Variants in INPP5B observed in about 807,000 individuals in gnomAD.
INPP5B encodes type II inositol 1,4,5-trisphosphate 5-phosphatase.
In INPP5B, 90 loss-of-function variants were observed where a neutral mutation model predicts 118.5. The ratio of observed to expected loss-of-function variants is 0.76; its 90% confidence interval spans 0.64 to 0.90. INPP5B has a LOEUF of 0.90. Ranked by LOEUF, INPP5B falls within the 40% of genes least tolerant of loss-of-function variation. The pLI is 0.00. For synonymous variants in INPP5B, 385 were observed against 418.9 expected (o/e 0.92, Z 0.99); for missense variants, 984 against 1,125.6 (o/e 0.87, Z 1.80).
chr1:37,866,402 T>TCACACACACACACACA (rs770631435), intron 21 of INPP5B, 57 bp downstream of exon 21: 39 of 681,560 alleles, frequency 5.7e-5, no homozygotes, highest in African/African-American at 1.2e-4. Flanking sequence ...TCTCTCTCTC[T>TCACACACACACACACA]CTCTCACACA....
At chr1:37,883,720 C>A in intron 13 of INPP5B, 1 of 985,416 alleles carries the variant, frequency 1.0e-6, no homozygotes, top group Non-Finnish European at 1.2e-6. Context: ...CAAGACACTC[C>A]CTGCTAGGCT....
chr1:37,894,654 C>T (rs1442262482), intron 7 of INPP5B, among the ~76,000 whole-genome samples: 2 of 151,568 alleles, frequency 1.3e-5, no homozygotes, highest in South Asian at 2.1e-4. Context: ...CTCTGCCTCC[C>T]GGGTTCAAGC....
rs536593560 is a variant in INPP5B at position 37,862,057 on chromosome 1, TAAA to T, written c.*255_*257del. On this transcript the variant is annotated 3_prime_UTR_variant, in exon 24 of 24. Coordinates refer to ENST00000373024, the MANE Select transcript of INPP5B (RefSeq NM_005540.3). ...TCTCAAAATAAAAAAAAATAAAAAA[TAAA>T]AAAATCTGTGTTAAATAACTAAAGT... 2.7e-6 allele frequency: 1 copy of T among 376,644 alleles called. No homozygotes were observed. Among genetic ancestry groups the T allele is most frequent in the African/African-American group, 2.1e-5 (1 of 47,790 alleles). 23.3% of individuals were successfully genotyped at this position (376,644 alleles called of 1,614,324 possible).
At chr1:37,883,573 C>T in intron 13 of INPP5B, 1 of 985,412 alleles carries the variant, frequency 1.0e-6, no homozygotes, top group Non-Finnish European at 1.2e-6. Context: ...ACAACCATGT[C>T]ATTAGAGAAT....
chr1:37,893,090 T>TC (rs1294945882), intron 7 of INPP5B, among the ~76,000 whole-genome samples: 7 of 76,440 alleles, frequency 9.2e-5, no homozygotes, highest in East Asian at 3.9e-4. Flanking sequence ...TTTTTCTTTT[T>TC]TTTTTTTTTT....
intron 9 of INPP5B, 55 bp from the exon 10 acceptor site, chr1:37,888,399 GA>G: frequency 3.6e-6 from 4 of 1,121,456 alleles, no homozygotes; most frequent in Non-Finnish European, 4.9e-6. Flanking sequence ...GATAACAGGA[GA>G]AAGCATTTTA....
intron 19 of INPP5B, among the ~76,000 whole-genome samples, chr1:37,871,180 G>A (rs1480964757): frequency 8.6e-5 from 12 of 139,384 alleles, no homozygotes; most frequent in South Asian, 2.3e-4. Flanking sequence ...AAAAAAGGCC[G>A]GGCGCAGTGG....
intron 6 of INPP5B, 93 bp downstream of exon 6, chr1:37,940,595 G>C (rs1645875311): frequency 1.4e-6 from 1 of 727,122 alleles, no homozygotes; most frequent in African/African-American, 1.7e-5. Flanking sequence ...AGAAACCATG[G>C]GGTAAGAGTC....
intron 7 of INPP5B, among the ~76,000 whole-genome samples, chr1:37,909,548 C>T (rs946053879): frequency 2.0e-5 from 3 of 152,182 alleles, no homozygotes; most frequent in African/African-American, 7.2e-5. Flanking sequence ...TCTCCCAAAT[C>T]AGTTAGCGTT....
Position 37,932,363 on chromosome 1 carries a change from C to CTTT in INPP5B, c.392-313_392-311dup, listed in dbSNP as rs58150703. ...TATTATCCCAATTTTCTTTTCTTTT[C>CTTT]TTTTTTTTTTTTTTTTTTTTTTTGA... On this transcript the variant is annotated intron_variant, in intron 6 of 23. Coordinates refer to ENST00000373024, the MANE Select transcript of INPP5B (RefSeq NM_005540.3). 5.2e-3 allele frequency among the ~76,000 whole-genome samples: 457 copies of CTTT among 87,584 alleles called. 7 individuals are homozygous for CTTT. Among genetic ancestry groups the CTTT allele is most frequent in the African/African-American group, 0.015 (336 of 23,096 alleles). 57.5% of individuals were successfully genotyped at this position (87,584 alleles called of 152,430 possible).
intron 14 of INPP5B, 82 bp from the exon 15 acceptor site, chr1:37,880,276 G>T: frequency 9.5e-7 from 1 of 1,047,990 alleles, no homozygotes; most frequent in Non-Finnish European, 1.4e-6. Context: ...ATATCAATCT[G>T]GAATTCAAAC....
rs764149898 is a variant in INPP5B, at chr1:37,866,475, T to A, written c.2370A>T (p.Gly790=). 4 of 1,583,354 alleles carry A rather than the reference T, an allele frequency of 2.5e-6. No individual in the cohort carries two copies. The South Asian group carries it at 4.4e-5, about 18-fold the overall frequency. ...FEHIRDCLDT[G]MIDNLSASNH... ...GAAGGATACAGAGGTTATCAATCATTCCAGTATCCAAGCAGTCCCTGATAT... is the reference window on the plus strand; with the variant it reads ...GAAGGATACAGAGGTTATCAATCATACCAGTATCCAAGCAGTCCCTGATAT... Residue 790 remains glycine, a synonymous_variant, in exon 21 of 24, where the codon GGA becomes GGT. Transcript: ENST00000373024.
At chr1:37,891,040 A>G (rs1385139598) in intron 8 of INPP5B, among the ~76,000 whole-genome samples, 8 of 152,072 alleles carry the variant, frequency 5.3e-5, no homozygotes, top group Non-Finnish European at 1.2e-4. Flanking sequence ...CAGCCTGACC[A>G]ACATGGAGAA....
intron 16 of INPP5B, among the ~76,000 whole-genome samples, chr1:37,877,124 T>C (rs1008498334): frequency 1.3e-5 from 2 of 150,654 alleles, no homozygotes; most frequent in East Asian, 3.9e-4. Flanking sequence ...CACAGCACTT[T>C]GGGAGGCCGA....
chr1:37,908,329 T>TC (rs1644568052), intron 7 of INPP5B, among the ~76,000 whole-genome samples: 1 of 152,188 alleles, frequency 6.6e-6, no homozygotes, highest in Non-Finnish European at 1.5e-5. Flanking sequence ...TCAAATTGGG[T>TC]AAGCAGTCTT....
rs537054117 is a variant in INPP5B at position 37,935,200 on chromosome 1, C to CA, written c.392-3148dup. 4.1e-3 allele frequency among the ~76,000 whole-genome samples: 406 copies of CA among 99,010 alleles called. 3 individuals carry two copies. Among genetic ancestry groups the CA allele is most frequent in the African/African-American group, 0.013 (341 of 26,696 alleles). 65.0% of individuals were successfully genotyped at this position (99,010 alleles called of 152,430 possible). ...CGGGCGACAGAGCCAGACTCCATCT[C>CA]AAAAAAAAAAAGATGGAGTCTGGCT... On this transcript the variant is annotated intron_variant, in intron 6 of 23. Coordinates refer to ENST00000373024, the MANE Select transcript of INPP5B (RefSeq NM_005540.3).
chr1:37,891,327 C>A, intron 8 of INPP5B, 31 bp downstream of exon 8: 5 of 1,529,438 alleles, frequency 3.3e-6, no homozygotes, highest in Non-Finnish European at 4.5e-6. Flanking sequence ...CTCAGTCCTA[C>A]AAGGGACAAG....
At chr1:37,908,146 GC>G (rs1228712887) in intron 7 of INPP5B, among the ~76,000 whole-genome samples, 1 of 152,126 alleles carries the variant, frequency 6.6e-6, no homozygotes, top group Non-Finnish European at 1.5e-5. Flanking sequence ...GAAATAAACA[GC>G]CCTGTTGCTC....
At chr1:37,865,200 G>C (rs937271821) in intron 22 of INPP5B, among the ~76,000 whole-genome samples, 1 of 151,870 alleles carries the variant, frequency 6.6e-6, no homozygotes, top group Non-Finnish European at 1.5e-5. Flanking sequence ...AAAAAAGTGT[G>C]ATTCAGTAGA....
Sources: allele counts gnomAD v4.1 joint callset (sites outside exome capture counted in the v4.1 genomes callset), GRCh38; gene constraint gnomAD v4.1.1; transcripts MANE v1.5; gene names NCBI Gene and HGNC (gene_info 2026-07-23, HGNC 2026-07-21).